The following DENND2B variants were observed in gnomAD, a reference collection of about 807,000 sequenced individuals.
DENND2B encodes DENN domain-containing protein 2B.
A neutral mutation model predicts 116.0 loss-of-function variants in DENND2B; 32 were observed. The ratio of observed to expected loss-of-function variants is 0.28; its 90% CI spans 0.21 to 0.37. The LOEUF is 0.37. Ranked by LOEUF, DENND2B falls within the 10% of genes least tolerant of loss-of-function variation. The pLI is 1.00. For missense variants in DENND2B, 1,276 were observed against 1,477.7 expected, an observed-to-expected ratio of 0.86 and a Z score of 2.24; for synonymous variants, 588 against 583.9, an observed-to-expected ratio of 1.01 and a Z score of -0.10.
intron 2 of DENND2B, among the ~76,000 whole-genome samples, chr11:8,746,757 T>C (rs911615240): frequency 2.0e-5 from 3 of 152,170 alleles, no homozygotes; most frequent in Non-Finnish European, 4.4e-5. Context: ...CCAGGCTAAG[T>C]TTGACTTTAT....
intron 1 of DENND2B, among the ~76,000 whole-genome samples, chr11:8,907,106 T>A (rs774990627): frequency 8.5e-5 from 13 of 152,214 alleles, no homozygotes; most frequent in Non-Finnish European, 1.8e-4. Context: ...ATTAAAGACC[T>A]CTTCCAACGC....
chr11:8,744,821 T>C (rs1362943481), intron 2 of DENND2B, among the ~76,000 whole-genome samples: 1 of 152,080 alleles, frequency 6.6e-6, no homozygotes, highest in Non-Finnish European at 1.5e-5. Context: ...AGATATACAT[T>C]CTCTTTAAGT....
At chr11:8,724,173 G>C (rs907631953) in intron 4 of DENND2B, among the ~76,000 whole-genome samples, 1 of 152,244 alleles carries the variant, frequency 6.6e-6, no homozygotes, top group Non-Finnish European at 1.5e-5. Flanking sequence ...GCGGGCACCT[G>C]TAGTCCCAGC....
At chr11:8,714,224 T>C (rs2044306461) in intron 7 of DENND2B, among the ~76,000 whole-genome samples, 182 bp from the exon 8 acceptor site, 1 of 152,188 alleles carries the variant, frequency 6.6e-6, no homozygotes, top group Non-Finnish European at 1.5e-5. Flanking sequence ...CCTTCAGAGC[T>C]CACACTGCGA....
intron 3 of DENND2B, among the ~76,000 whole-genome samples, chr11:8,854,064 A>C (rs2063112307): frequency 9.2e-6 from 1 of 108,700 alleles, no homozygotes; most frequent in East Asian, 2.6e-4. Flanking sequence ...ACAGGATCTC[A>C]CTTTGTTGCC....
intron 19 of DENND2B, 73 bp from the exon 20 acceptor site, chr11:8,694,203 A>C (rs1007007461): frequency 8.4e-6 from 13 of 1,555,574 alleles, no homozygotes; most frequent in Non-Finnish European, 1.2e-5. Context: ...TCCTCCTTGT[A>C]GCCCTAACCC....
At chr11:8,760,999 C>T (rs1361163118) in intron 1 of DENND2B, among the ~76,000 whole-genome samples, 2 of 148,284 alleles carry the variant, frequency 1.3e-5, no homozygotes, top group African/African-American at 2.4e-5. Context: ...CTTATCATTC[C>T]CACATCCTCC....
intron 2 of DENND2B, among the ~76,000 whole-genome samples, chr11:8,864,744 G>C (rs1294544931): frequency 6.6e-6 from 1 of 152,188 alleles, no homozygotes; most frequent in Non-Finnish European, 1.5e-5. Flanking sequence ...GTATATAAAT[G>C]ATAGTGATAC....
At chr11:8,895,893 G>A (rs1048485759) in intron 1 of DENND2B, among the ~76,000 whole-genome samples, 44 of 152,064 alleles carry the variant, frequency 2.9e-4, no homozygotes, top group African/African-American at 8.4e-4. Context: ...CAAGGTGCTC[G>A]AATTACAGGT....
intron 1 of DENND2B, among the ~76,000 whole-genome samples, chr11:8,895,880 T>C (rs2064095534): frequency 6.6e-6 from 1 of 152,080 alleles, no homozygotes; most frequent in Non-Finnish European, 1.5e-5. Context: ...CATCTCTGGC[T>C]CCCAAGGTGC....
intron 1 of DENND2B, among the ~76,000 whole-genome samples, chr11:8,909,439 A>AAGG (rs1555224063): frequency 4.7e-5 from 7 of 149,346 alleles, no homozygotes; most frequent in South Asian, 2.2e-4. Flanking sequence ...GAGGAGGAGG[A>AAGG]AGAAGGAGAA....
intron 3 of DENND2B, among the ~76,000 whole-genome samples, chr11:8,854,974 C>A (rs1417956421): frequency 1.3e-5 from 2 of 151,894 alleles, no homozygotes; most frequent in South Asian, 4.2e-4. Context: ...GGCTTCTCTA[C>A]AAAAAAATTT....
chr11:8,847,374 A>G (rs2062852129), intron 3 of DENND2B, among the ~76,000 whole-genome samples: 1 of 152,248 alleles, frequency 6.6e-6, no homozygotes. Flanking sequence ...CCATTACAAA[A>G]TTCAAAATAC....
intron 1 of DENND2B, among the ~76,000 whole-genome samples, chr11:8,779,168 CAG>C (rs963517839): frequency 2.0e-5 from 3 of 152,182 alleles, no homozygotes; most frequent in Non-Finnish European, 2.9e-5. Flanking sequence ...GTGGAGGGGA[CAG>C]AGCAGCTCTG....
Position 8,697,654 on chromosome 11 carries a change from C to G in DENND2B, c.2941-18G>C, listed in dbSNP as rs759368617. ...TCGTCCATCTGCAGGAGAAAGAAAG[C>G]ACAGTGACAATCATAGCTGACACTG... On this transcript the variant is annotated intron_variant, in intron 16 of 19. Coordinates refer to ENST00000313726, the MANE Select transcript of DENND2B (RefSeq NM_213618.2). 7.0e-6 allele frequency: 11 copies of G among 1,565,206 alleles called. No individual in the cohort carries two copies. In the Admixed American group the frequency reaches 1.3e-4, roughly 19 times the overall value.
intron 4 of DENND2B, among the ~76,000 whole-genome samples, chr11:8,824,853 ATTTTT>A (rs371924172): frequency 7.7e-6 from 1 of 130,238 alleles, no homozygotes; most frequent in African/African-American, 2.9e-5. Context: ...ACACCCAGCT[ATTTTT>A]TTTTTTTTTT....
At chr11:8,794,278 C>G (rs12224436) in intron 1 of DENND2B, among the ~76,000 whole-genome samples, 3 of 152,012 alleles carry the variant, frequency 2.0e-5, no homozygotes, top group Non-Finnish European at 2.9e-5. Context: ...AGTCCCCACT[C>G]TGCCACCCTG....
At chr11:8,699,743 G>A in intron 14 of DENND2B, 1 of 431,834 alleles carries the variant, frequency 2.3e-6, no homozygotes, top group Non-Finnish European at 4.6e-6. Flanking sequence ...TAGGGCCAGT[G>A]AATGCAGATC....
chr11:8,801,619 G>C (rs1185817475), intron 1 of DENND2B, among the ~76,000 whole-genome samples: 1 of 151,324 alleles, frequency 6.6e-6, no homozygotes, highest in Non-Finnish European at 1.5e-5. Flanking sequence ...AGAGGTTGCA[G>C]TGAGCCGAGA....
Sources: allele counts gnomAD v4.1 joint callset (sites outside exome capture counted in the v4.1 genomes callset), GRCh38; gene constraint gnomAD v4.1.1; transcripts MANE v1.5; gene names NCBI Gene and HGNC (gene_info 2026-07-23, HGNC 2026-07-21).